FHIT: variants seen among roughly 807,000 people sequenced by gnomAD.
FHIT encodes fragile histidine triad diadenosine triphosphatase, also known as bis(5'-adenosyl)-triphosphatase.
A neutral mutation model predicts 17.9 loss-of-function variants in FHIT; 19 were observed. The ratio of observed to expected loss-of-function variants is 1.06; its 90% CI spans 0.74 to 1.56. The LOEUF is 1.56. Among genes scored for constraint, FHIT ranks in the 40% most tolerant of loss-of-function variants. The pLI is 0.00. For missense variants in FHIT, 248 were observed against 189.2 expected, an observed-to-expected ratio of 1.31 and a Z score of -1.82; for synonymous variants, 81 against 69.7, an observed-to-expected ratio of 1.16 and a Z score of -0.81.
intron 7 of FHIT, among the ~76,000 whole-genome samples, chr3:59,983,918 A>G (rs1037974235): frequency 1.3e-5 from 2 of 151,414 alleles, no homozygotes; most frequent in African/African-American, 4.8e-5. Context: ...GTTGCTGCAT[A>G]GACCAAAAAC....
At chr3:59,844,220 G>A (rs190609877) in intron 8 of FHIT, among the ~76,000 whole-genome samples, 102 of 152,202 alleles carry the variant, frequency 6.7e-4, no homozygotes, top group Non-Finnish European at 1.5e-4. Flanking sequence ...AGCAATGGAA[G>A]AATAGCCTAA....
chr3:60,827,976 A>G (rs1234229853), intron 3 of FHIT, among the ~76,000 whole-genome samples: 2 of 152,230 alleles, frequency 1.3e-5, no homozygotes, highest in African/African-American at 4.8e-5. Flanking sequence ...ATGCTTTAGT[A>G]AAATAGCACA....
At chr3:61,187,836 G>C (rs1456381573) in intron 2 of FHIT, among the ~76,000 whole-genome samples, 1 of 152,168 alleles carries the variant, frequency 6.6e-6, no homozygotes, top group Non-Finnish European at 1.5e-5. Context: ...TGACTACTGA[G>C]TACATCACGA....
In FHIT at chr3:60,152,354, T is replaced by C. The variant is rs557530359; in HGVS notation, c.104-138202A>G. Among the ~76,000 whole-genome samples the C allele has an allele frequency of 6.9e-4, 105 of 152,262 alleles. 1 individual carries two copies. The highest frequency in any genetic ancestry group is 2.4e-3 in the African/African-American group (100 of 41,554). The stretch of plus-strand genomic sequence containing the variant: ...TCAACAACTTGACTACATTTTTACC[T>C]GAAAAAATTATTGTAGCTATTACTA... On this transcript the variant is annotated intron_variant, in intron 5 of 9. Coordinates refer to ENST00000492590, the MANE Select transcript of FHIT (RefSeq NM_002012.4).
At chr3:60,065,293 T>C (rs1345380446) in intron 5 of FHIT, among the ~76,000 whole-genome samples, 3 of 152,204 alleles carry the variant, frequency 2.0e-5, no homozygotes, top group African/African-American at 7.2e-5. Flanking sequence ...GCCATGCTCC[T>C]GGGATGAATC....
At chr3:60,803,531 C>T (rs1404046860) in intron 4 of FHIT, among the ~76,000 whole-genome samples, 2 of 152,092 alleles carry the variant, frequency 1.3e-5, no homozygotes, top group East Asian at 1.9e-4. Context: ...ATAAAAGGTG[C>T]AGTGTATAAG....
rs186559029 is a variant in FHIT, at chr3:60,679,739, A to G, written c.-18+142180T>C. On this transcript the variant is annotated intron_variant, in intron 4 of 9. Transcript: ENST00000492590. ...AAATGAGATTACTAGATCAAAAAAC[A>G]TTAAAAAATTCTTTTTCTAGGGAGA... Among the ~76,000 whole-genome samples the G allele has an allele frequency of 4.5e-4, 69 of 152,246 alleles. No individual in the cohort carries two copies. In the East Asian group the frequency reaches 0.01, roughly 23 times the overall value.
chr3:59,856,688 T>C (rs1167236080), intron 8 of FHIT, among the ~76,000 whole-genome samples: 1 of 152,192 alleles, frequency 6.6e-6, no homozygotes, highest in Non-Finnish European at 1.5e-5. Context: ...TGTAGCAATG[T>C]TATCTAATTT....
chr3:60,269,873 TG>T (rs1706776164), intron 5 of FHIT, among the ~76,000 whole-genome samples: 1 of 152,164 alleles, frequency 6.6e-6, no homozygotes, highest in South Asian at 2.1e-4. Flanking sequence ...TCATAAAAAA[TG>T]GGGAGTTACA....
chr3:59,784,821 A>G (rs531302591), intron 8 of FHIT, among the ~76,000 whole-genome samples: 75 of 152,214 alleles, frequency 4.9e-4, no homozygotes, highest in Non-Finnish European at 9.7e-4. Context: ...TTTATTTTTG[A>G]TTGTACTTAC....
At chr3:60,232,584 T>C (rs1271481436) in intron 5 of FHIT, among the ~76,000 whole-genome samples, 3 of 152,210 alleles carry the variant, frequency 2.0e-5, no homozygotes, top group Non-Finnish European at 2.9e-5. Context: ...GTCTTCTCCA[T>C]CTCAATTATT....
chr3:60,161,261 T>C (rs1337653997), intron 5 of FHIT, among the ~76,000 whole-genome samples: 2 of 152,212 alleles, frequency 1.3e-5, no homozygotes, highest in Admixed American at 6.5e-5. Flanking sequence ...CCTGTGGCAG[T>C]TGAAACAACC....
chr3:60,307,580 A>G (rs1338641315), intron 5 of FHIT, among the ~76,000 whole-genome samples: 2 of 152,152 alleles, frequency 1.3e-5, no homozygotes, highest in South Asian at 2.1e-4. Context: ...TACAAATATC[A>G]TGGATCTGTA....
intron 2 of FHIT, among the ~76,000 whole-genome samples, chr3:61,197,428 G>A (rs1437709396): frequency 6.6e-6 from 1 of 152,076 alleles, no homozygotes; most frequent in Non-Finnish European, 1.5e-5. Context: ...ATACTGTCAT[G>A]CTATTTATTC....
intron 5 of FHIT, among the ~76,000 whole-genome samples, chr3:60,199,356 G>A (rs181903165): frequency 6.6e-6 from 1 of 152,128 alleles, no homozygotes; most frequent in African/African-American, 2.4e-5. Flanking sequence ...TTTAAGTTTG[G>A]TGAGACAGGC....
chr3:60,096,436 A>G (rs1703952420), intron 5 of FHIT, among the ~76,000 whole-genome samples: 1 of 152,164 alleles, frequency 6.6e-6, no homozygotes, highest in African/African-American at 2.4e-5. Flanking sequence ...AGAATCAACC[A>G]AGAAAGGTCA....
intron 7 of FHIT, among the ~76,000 whole-genome samples, chr3:59,991,865 C>G (rs1271861966): frequency 6.6e-6 from 1 of 151,996 alleles, no homozygotes; most frequent in Non-Finnish European, 1.5e-5. Flanking sequence ...GAGAGAGAAA[C>G]ACAGAGTCTT....
chr3:60,022,544 T>C (rs1251196574), intron 5 of FHIT, among the ~76,000 whole-genome samples: 1 of 152,224 alleles, frequency 6.6e-6, no homozygotes, highest in Non-Finnish European at 1.5e-5. Flanking sequence ...GCTCTGGCAG[T>C]GAGACCCCGA....
chr3:61,029,294 C>T (rs554211665), intron 3 of FHIT, among the ~76,000 whole-genome samples: 1 of 152,242 alleles, frequency 6.6e-6, no homozygotes, highest in East Asian at 1.9e-4. Context: ...GAAAAGAGCA[C>T]ATGATAATTA....
Sources: gnomAD v4.1 joint callset for allele counts (sites outside exome capture counted in the v4.1 genomes callset) on GRCh38, gnomAD v4.1.1 for gene constraint, MANE v1.5 for transcripts, NCBI Gene and HGNC (gene_info 2026-07-23, HGNC 2026-07-21) for gene names.